The following ARHGAP29 variants were observed in gnomAD, a reference collection of about 807,000 sequenced individuals.
The protein encoded by ARHGAP29 is Rho GTPase activating protein 29, also known as rho GTPase-activating protein 29.
ARHGAP29 carries 43 observed loss-of-function variants against 122.6 expected under a neutral mutation model. That is an observed-to-expected ratio of 0.35 (90% CI 0.27 to 0.45). The LOEUF is 0.45. Among genes scored for constraint, ARHGAP29 ranks in the 20% least tolerant of loss-of-function variants. ARHGAP29 has a pLI of 1.00. For missense variants in ARHGAP29, 1,303 were observed against 1,477.2 expected, an observed-to-expected ratio of 0.88 and a Z score of 1.93; for synonymous variants, 506 against 497.1, an observed-to-expected ratio of 1.02 and a Z score of -0.24.
At chr1:94,242,879 C>T (rs1440869153) in intron 1 of ARHGAP29, among the ~76,000 whole-genome samples, 2 of 151,884 alleles carry the variant, frequency 1.3e-5, no homozygotes, top group African/African-American at 4.8e-5. Context: ...AAAAGACACA[C>T]CATGCAAATA....
intron 11 of ARHGAP29, chr1:94,202,118 T>C: frequency 4.6e-6 from 2 of 436,640 alleles, no homozygotes; most frequent in South Asian, 8.4e-5. Context: ...ATATTTACTA[T>C]ATTCCATATA....
the ARHGAP29 span, among the ~76,000 whole-genome samples, chr1:94,308,829 C>T: frequency 6.6e-6 from 1 of 152,166 alleles, no homozygotes; most frequent in South Asian, 2.1e-4. Flanking sequence ...AGTCAGTGCT[C>T]GTGGACCACC....
intron 3 of ARHGAP29, among the ~76,000 whole-genome samples, chr1:94,211,335 T>TTATGTACC (rs1039082828): frequency 6.9e-6 from 1 of 144,558 alleles, no homozygotes; most frequent in Non-Finnish European, 1.5e-5. Flanking sequence ...TTCCATATAT[T>TTATGTACC]TATGTACCTA....
At position 94,237,444 on chromosome 1, in the gene ARHGAP29, G is replaced by C; in HGVS notation, c.-62C>G. The C allele has an allele frequency of 2.0e-6, 2 of 986,790 alleles. No homozygotes were observed. Among genetic ancestry groups the C allele is most frequent in the South Asian group, 4.5e-5 (1 of 22,026 alleles). The allele number at this position is 986,790 out of a possible 1,614,324, so 61.1% of individuals were successfully genotyped here. On this transcript the variant is annotated 5_prime_UTR_variant, in exon 1 of 23. Coordinates refer to ENST00000260526, the MANE Select transcript of ARHGAP29 (RefSeq NM_004815.4). ...GCGCTCCATCTCGCGTGCCGGACGCGGACGCCCGCCCCACACCTACGGCCG... is the reference window on the plus strand; with the variant it reads ...GCGCTCCATCTCGCGTGCCGGACGCCGACGCCCGCCCCACACCTACGGCCG...
upstream of ARHGAP29, among the ~76,000 whole-genome samples, chr1:94,276,039 C>A (rs1374855353): frequency 6.6e-6 from 1 of 151,988 alleles, no homozygotes; most frequent in Non-Finnish European, 1.5e-5. Context: ...GGGCAGATTA[C>A]TTGAGGCCAG....
intron 1 of ARHGAP29, among the ~76,000 whole-genome samples, chr1:94,271,590 T>C (rs1354343104): frequency 2.0e-5 from 3 of 152,156 alleles, no homozygotes; most frequent in African/African-American, 7.2e-5. Context: ...CATTAAAACA[T>C]TGGAATGGCC....
At chr1:94,219,640 TACTC>T (rs1031102358) in intron 3 of ARHGAP29, among the ~76,000 whole-genome samples, 1 of 152,156 alleles carries the variant, frequency 6.6e-6, no homozygotes, top group Non-Finnish European at 1.5e-5. Flanking sequence ...TCTTCTCAAA[TACTC>T]ACTTCGCTCT....
rs1482832730 is a variant in ARHGAP29 at position 94,172,029 on chromosome 1, A to T, written c.*1840T>A. 2 of 152,222 alleles carry T rather than the reference A, an allele frequency of 1.3e-5. No individual in the cohort carries two copies. The highest frequency in any genetic ancestry group is 6.5e-5 in the Admixed American group (1 of 15,282). 9.4% of individuals were successfully genotyped at this position (152,222 alleles called of 1,614,324 possible). A position where few individuals can be genotyped will look rare whatever the true frequency, so the allele number is the denominator to read the frequency against. The stretch of plus-strand genomic sequence containing the variant: ...TATTTTACCACAATAAAAATTTTTT[A>T]AAGTTGCATTTTCTATTGTTAAAAA... On this transcript the variant is annotated 3_prime_UTR_variant, in exon 23 of 23. Coordinates refer to ENST00000260526, the MANE Select transcript of ARHGAP29 (RefSeq NM_004815.4).
At chr1:94,276,623 A>C (rs1167743656), upstream of ARHGAP29, among the ~76,000 whole-genome samples, 2 of 151,572 alleles carry the variant, frequency 1.3e-5, no homozygotes, top group Non-Finnish European at 2.9e-5. Flanking sequence ...TCTACAAAAA[A>C]TACAAAAATT....
At chr1:94,217,449 G>A (rs184100239) in intron 3 of ARHGAP29, among the ~76,000 whole-genome samples, 3 of 151,168 alleles carry the variant, frequency 2.0e-5, no homozygotes, top group Admixed American at 2.0e-4. Context: ...CAGGAGAATT[G>A]CTTGAACCCA....
At chr1:94,241,864 C>T (rs79443787), upstream of ARHGAP29, among the ~76,000 whole-genome samples, 1,564 of 151,640 alleles carry the variant, frequency 0.01, 29 homozygotes, top group African/African-American at 0.036. Flanking sequence ...CCGCACTGGG[C>T]TCAGGGCTGT....
chr1:94,269,004 T>C (rs1654890957), intron 1 of ARHGAP29, among the ~76,000 whole-genome samples: 3 of 152,202 alleles, frequency 2.0e-5, no homozygotes, highest in Admixed American at 2.0e-4. Flanking sequence ...TATTTTTTAA[T>C]GGTGCAATAA....
chr1:94,217,775 G>C (rs72727435), intron 3 of ARHGAP29, among the ~76,000 whole-genome samples: 26 of 152,076 alleles, frequency 1.7e-4, no homozygotes, highest in South Asian at 4.2e-4. Context: ...CTTGCGTTCC[G>C]GAGTTTAAGA....
intron 1 of ARHGAP29, among the ~76,000 whole-genome samples, chr1:94,265,576 C>A (rs1654739704): frequency 6.6e-6 from 1 of 152,186 alleles, no homozygotes. Flanking sequence ...CTAAGAAATA[C>A]ACCAGCAATT....
intron 2 of ARHGAP29, among the ~76,000 whole-genome samples, chr1:94,223,089 G>A (rs1040079094): frequency 7.2e-5 from 11 of 151,998 alleles, no homozygotes; most frequent in East Asian, 3.9e-4. Flanking sequence ...GACTACAGGC[G>A]CCCGCCACCA....
the ARHGAP29 span, among the ~76,000 whole-genome samples, chr1:94,310,759 T>C: frequency 6.6e-6 from 1 of 151,008 alleles, no homozygotes; most frequent in East Asian, 2.0e-4. Flanking sequence ...CTCTCACCTA[T>C]TTGGTGCTTG....
At chr1:94,207,593 T>C (rs1651286030) in intron 5 of ARHGAP29, among the ~76,000 whole-genome samples, 1 of 152,164 alleles carries the variant, frequency 6.6e-6, no homozygotes, top group Non-Finnish European at 1.5e-5. Context: ...GTAGCAACAG[T>C]TTGAAAAGAT....
chr1:94,232,662 T>C (rs545125794), intron 1 of ARHGAP29, among the ~76,000 whole-genome samples: 4 of 152,210 alleles, frequency 2.6e-5, no homozygotes, highest in South Asian at 2.1e-4. Context: ...GAAGACTTCA[T>C]ATGTTAAAAC....
intron 2 of ARHGAP29, among the ~76,000 whole-genome samples, chr1:94,229,525 C>G (rs1652805761): frequency 6.6e-6 from 1 of 151,512 alleles, no homozygotes; most frequent in African/African-American, 2.4e-5. Flanking sequence ...AAAATCAACC[C>G]AAAGGTAAAT....
Sources: allele counts gnomAD v4.1 joint callset (sites outside exome capture counted in the v4.1 genomes callset), GRCh38; gene constraint gnomAD v4.1.1; transcripts MANE v1.5; gene names NCBI Gene and HGNC (gene_info 2026-07-23, HGNC 2026-07-21).